Variants in UBR4 observed in about 807,000 individuals in gnomAD.
UBR4 encodes the protein E3 ubiquitin-protein ligase UBR4.
Under a neutral mutation model 575.6 loss-of-function variants are expected in UBR4, and 124 were observed. The ratio of observed to expected loss-of-function variants is 0.22; its 90% confidence interval spans 0.19 to 0.25. The LOEUF is 0.25. Among genes scored for constraint, UBR4 ranks in the 10% least tolerant of loss-of-function variants. The pLI, the probability that UBR4 is intolerant of heterozygous loss-of-function variation, is 1.00. For synonymous variants in UBR4, 2,455 were observed against 2,473.7 expected (o/e 0.99, Z 0.22); for missense variants, 4,818 against 6,478.8 (o/e 0.74, Z 8.80).
intron 22 of UBR4, among the ~76,000 whole-genome samples, chr1:19,173,956 G>A (rs970763472): frequency 1.3e-5 from 2 of 152,152 alleles, no homozygotes; most frequent in African/African-American, 4.8e-5. Context: ...TCAGCTATCC[G>A]TTTTTGTGGC....
intron 75 of UBR4, among the ~76,000 whole-genome samples, chr1:19,114,609 T>C (rs2080273146): frequency 6.6e-6 from 1 of 152,224 alleles, no homozygotes; most frequent in African/African-American, 2.4e-5. Context: ...ATCAACACTT[T>C]TCTAAAATCC....
chr1:19,125,275 G>A (rs949668061), intron 64 of UBR4, among the ~76,000 whole-genome samples: 5 of 152,214 alleles, frequency 3.3e-5, no homozygotes, highest in Non-Finnish European at 5.9e-5. Flanking sequence ...AGGGCACAAC[G>A]TGTCTCACAT....
intron 11 of UBR4, among the ~76,000 whole-genome samples, chr1:19,188,071 A>AAATAAAT (rs1156468669): frequency 1.6e-5 from 2 of 123,140 alleles, no homozygotes; most frequent in Non-Finnish European, 3.6e-5. Flanking sequence ...AATAAATAAA[A>AAATAAAT]CCTCCTGGAA....
intron 105 of UBR4, 76 bp from the exon 106 acceptor site, chr1:19,074,972 A>G: frequency 2.0e-6 from 3 of 1,504,018 alleles, no homozygotes; most frequent in Non-Finnish European, 2.8e-6. Flanking sequence ...CAGCTGCCGC[A>G]TCTAGCAGAG....
rs1014761539 is a variant in UBR4, at chr1:19,176,607, T to G, written c.2758A>C (p.Lys920Gln). The G allele has an allele frequency of 6.2e-7, 1 of 1,613,866 alleles. No individual in the cohort carries two copies. The highest frequency in any genetic ancestry group is 8.5e-7 in the Non-Finnish European group (1 of 1,179,968). Residue 920 changes from lysine to glutamine, a missense_variant, in exon 20 of 106, where the codon AAG (lysine) becomes CAG (glutamine). By Grantham distance (53) the Lys-to-Gln change is moderately conservative. Coordinates refer to ENST00000375254, the MANE Select transcript of UBR4 (RefSeq NM_020765.3). ...TCTTTCTGACCTGATGAGAAATGCT[T>G]AGACCAGTTTTCTTCTACTTCTTTG... is the stretch of plus-strand genomic sequence containing the variant. Reference protein sequence around the residue: ...GFKEVEENWSKHFSSDAVPHP... With the variant: ...GFKEVEENWSQHFSSDAVPHP...
At position 19,110,777 on chromosome 1, in the gene UBR4, T is replaced by G; in HGVS notation, c.11857A>C (p.Thr3953Pro). ...TTGGCCCAGTGGCCCTTCAGGGCTG[T>G]GGAGACCTTGCCAATAATCAGGTCA... ...MNDLIIGKVS[T>P]ALKGHWANPD... Residue 3953 changes from threonine to proline, a missense_variant, in exon 79 of 106, where the codon ACA becomes CCA. By Grantham distance (38) the Thr-to-Pro change is conservative. Coordinates refer to ENST00000375254, the MANE Select transcript of UBR4 (RefSeq NM_020765.3). This position sits in a 1 kb window ranked among gnomAD's most constrained non-coding sequence, Gnocchi z 4.5. The G allele has an allele frequency of 6.2e-7, 1 of 1,614,210 alleles. No individual in the cohort carries two copies. The highest frequency in any genetic ancestry group is 1.3e-5 in the African/African-American group (1 of 75,060).
intron 17 of UBR4, among the ~76,000 whole-genome samples, chr1:19,180,533 A>T (rs2090822525): frequency 7.5e-6 from 1 of 133,948 alleles, no homozygotes; most frequent in South Asian, 2.5e-4. Context: ...AAGTTAAATG[A>T]AACAATTCAA....
At chr1:19,092,194 T>A (rs567090036) in intron 97 of UBR4, among the ~76,000 whole-genome samples, 1 of 152,156 alleles carries the variant, frequency 6.6e-6, no homozygotes, top group African/African-American at 2.4e-5. Flanking sequence ...CTGATGTCTA[T>A]ATCCTGGTTG....
At chr1:19,091,353 TTACTG>T (rs1191071279) in intron 97 of UBR4, among the ~76,000 whole-genome samples, 3 of 152,206 alleles carry the variant, frequency 2.0e-5, no homozygotes, top group African/African-American at 7.2e-5. Context: ...TGAAGAATCT[TTACTG>T]TACTCAAGTT....
chr1:19,116,943 G>A lies in UBR4; in HGVS notation c.10823+278C>T, dbSNP rs1383424136. ...AGAATAGTTAAAATGGGCATGAGAA[G>A]CCTGGAGGTCCCCTCACTCAGCTTC... is the stretch of plus-strand genomic sequence containing the variant. On this transcript the variant is annotated intron_variant, in intron 73 of 105. Transcript: ENST00000375254. Among the ~76,000 whole-genome samples, 4 of 152,094 alleles carry A rather than the reference G, an allele frequency of 2.6e-5. No individual in the cohort carries two copies. The East Asian group carries it at 5.8e-4, about 22-fold the overall frequency.
intron 102 of UBR4, 94 bp downstream of exon 102, chr1:19,084,410 A>T: frequency 7.5e-7 from 1 of 1,337,620 alleles, no homozygotes; most frequent in Non-Finnish European, 1.0e-6. Flanking sequence ...CTCCGGAACT[A>T]GCATGAGAGG....
chr1:19,081,998 C>T, intron 102 of UBR4: 1 of 582,212 alleles, frequency 1.7e-6, no homozygotes, highest in Non-Finnish European at 3.0e-6. Flanking sequence ...ATCAAGATTC[C>T]CTGGTGGGTC....
Position 19,123,049 on chromosome 1 carries a change from G to A in UBR4, c.9600C>T (p.Ile3200=). The A allele has an allele frequency of 6.2e-7, 1 of 1,614,142 alleles. No homozygotes were observed. The highest frequency in any genetic ancestry group is 1.7e-5 in the Admixed American group (1 of 60,018). The change falls in exon 66 of 106, where the codon ATC becomes ATT. Residue 3200 remains isoleucine, a synonymous_variant. Transcript: ENST00000375254. ...WFYFLSEYLM[I]QQTPFVRRQV... is the part of the protein sequence containing the mutation. ...GACGGCGCACAAATGGAGTCTGCTG[G>A]ATCATGAGGTACTTGAGAAGAAAAA...
At chr1:19,151,983 G>A in intron 47 of UBR4, 124 bp from the exon 48 acceptor site, 3 of 917,416 alleles carry the variant, frequency 3.3e-6, no homozygotes, top group Non-Finnish European at 4.8e-6. Flanking sequence ...TTAACTCCCT[G>A]GTAATGACTT....
At chr1:19,166,700 A>C (rs1450194826) in intron 29 of UBR4, among the ~76,000 whole-genome samples, 1 of 124,648 alleles carries the variant, frequency 8.0e-6, no homozygotes, top group Non-Finnish European at 1.6e-5. Context: ...CAACATGGCA[A>C]ACTCCATCTC....
intron 8 of UBR4, among the ~76,000 whole-genome samples, chr1:19,194,826 A>G (rs2092350777): frequency 1.3e-5 from 2 of 152,062 alleles, no homozygotes; most frequent in South Asian, 4.1e-4. Context: ...TAAATAATTA[A>G]TTCATTCACT....
Position 19,155,359 on chromosome 1 carries a change from T to C in UBR4, c.6300+82A>G, listed in dbSNP as rs957210439. On this transcript the variant is annotated intron_variant, in intron 43 of 105. Coordinates refer to ENST00000375254, the MANE Select transcript of UBR4 (RefSeq NM_020765.3). Reference sequence around the variant, plus strand: ...AGATGAAGTCCACAGAAAAATGTTATAAAAGAACAAAGAAAAAAGAATAGA... The same window carrying C: ...AGATGAAGTCCACAGAAAAATGTTACAAAAGAACAAAGAAAAAAGAATAGA... The C allele has an allele frequency of 4.3e-6, 6 of 1,396,730 alleles. No homozygotes were observed. The South Asian group carries it at 8.1e-5, about 19-fold the overall frequency. 86.5% of individuals were successfully genotyped at this position (1,396,730 alleles called of 1,614,324 possible).
intron 49 of UBR4, among the ~76,000 whole-genome samples, chr1:19,149,975 C>T (rs556423212): frequency 1.3e-5 from 2 of 152,098 alleles, no homozygotes; most frequent in South Asian, 4.1e-4. Flanking sequence ...ATTCTTGTGA[C>T]TTACAATGTA....
rs1169946040 is a variant in UBR4, at chr1:19,153,268, C to T, written c.6832+33G>A. ...ACTGTCTAGAAGACCACCATTCCTA[C>T]TCCCCCACAAGTCATCTGAGAAGGA... On this transcript the variant is annotated intron_variant, in intron 46 of 105. Transcript: ENST00000375254. The surrounding 1 kb of genome is among the most constrained non-coding windows in gnomAD (Gnocchi z 4.1). 6.2e-7 allele frequency: 1 copy of T among 1,610,516 alleles called. No homozygotes were observed. Among genetic ancestry groups the T allele is most frequent in the South Asian group, 1.1e-5 (1 of 90,808 alleles).
Sources: gnomAD v4.1 joint callset for allele counts (sites outside exome capture counted in the v4.1 genomes callset) on GRCh38, gnomAD v4.1.1 for gene constraint, Gnocchi (gnomAD v3.1) non-coding constraint, MANE v1.5 for transcripts, NCBI Gene and HGNC (gene_info 2026-07-23, HGNC 2026-07-21) for gene names.